MBNL2: variants seen among roughly 807,000 people sequenced by gnomAD.
MBNL2 encodes the protein muscleblind like splicing regulator 2, also known as muscleblind-like protein 2.
In MBNL2, 17 loss-of-function variants were observed where a neutral mutation model predicts 41.9. The ratio of observed to expected loss-of-function variants is 0.41; its 90% CI spans 0.28 to 0.61. MBNL2 has a LOEUF of 0.61. Ranked by LOEUF, MBNL2 falls within the 20% of genes least tolerant of loss-of-function variation. The pLI is 0.35. For missense variants in MBNL2, 336 were observed against 505.6 expected, an observed-to-expected ratio of 0.66 and a Z score of 3.22; for synonymous variants, 195 against 182.9, an observed-to-expected ratio of 1.07 and a Z score of -0.53.
At chr13:97,180,740 TAA>T in the MBNL2 span, among the ~76,000 whole-genome samples, 887 of 85,972 alleles carry the variant, frequency 0.01, 12 homozygotes, top group African/African-American at 0.032. Context: ...AGACTCCATC[TAA>T]AAAAAAAAAA....
chr13:97,259,769 G>T (rs752356957), intron 1 of MBNL2, among the ~76,000 whole-genome samples: 1 of 152,148 alleles, frequency 6.6e-6, no homozygotes, highest in Non-Finnish European at 1.5e-5. Context: ...GAGTCCTAGC[G>T]TGCTGAAATA....
intron 2 of MBNL2, among the ~76,000 whole-genome samples, chr13:97,327,560 T>TA (rs71922683): frequency 0.032 from 2,924 of 90,682 alleles, 111 homozygotes; most frequent in South Asian, 0.087. Flanking sequence ...ACGTTATTTG[T>TA]AAAAAAAAAA....
At chr13:97,301,356 C>G (rs1452923824) in intron 2 of MBNL2, among the ~76,000 whole-genome samples, 1 of 152,098 alleles carries the variant, frequency 6.6e-6, no homozygotes, top group African/African-American at 2.4e-5. Context: ...CTCAGGATCC[C>G]CAGACTGGGA....
At chr13:97,280,180 G>A (rs1217428507) in intron 2 of MBNL2, among the ~76,000 whole-genome samples, 3 of 152,238 alleles carry the variant, frequency 2.0e-5, no homozygotes, top group South Asian at 2.1e-4. Context: ...TCCATGAAAC[G>A]CTTTCCCTCA....
chr13:97,276,545 T>G (rs917037526), intron 2 of MBNL2, 136 bp downstream of exon 2: 2 of 831,612 alleles, frequency 2.4e-6, no homozygotes, highest in African/African-American at 3.4e-5. Flanking sequence ...TGTTGGGAGA[T>G]TTTTCACTCA....
chr13:97,248,428 C>G (rs1242349616), intron 1 of MBNL2, among the ~76,000 whole-genome samples: 1 of 152,260 alleles, frequency 6.6e-6, no homozygotes, highest in Admixed American at 6.5e-5. Context: ...AGCCACCGCA[C>G]CCGGGGCCCC....
At chr13:97,235,519 G>T (rs1390703568) in intron 1 of MBNL2, among the ~76,000 whole-genome samples, 1 of 152,222 alleles carries the variant, frequency 6.6e-6, no homozygotes, top group Non-Finnish European at 1.5e-5. Context: ...GAATTCTTGT[G>T]AGTCCCCTTA....
intron 8 of MBNL2, among the ~76,000 whole-genome samples, chr13:97,386,365 G>T (rs1566456189): frequency 6.6e-6 from 1 of 152,240 alleles, no homozygotes; most frequent in Non-Finnish European, 1.5e-5. Context: ...TCTGTGATGT[G>T]AATTCATTGC....
At chr13:97,371,306 TC>T (rs1359421294) in intron 8 of MBNL2, among the ~76,000 whole-genome samples, 2 of 152,156 alleles carry the variant, frequency 1.3e-5, no homozygotes, top group Non-Finnish European at 2.9e-5. Flanking sequence ...TCCGAATCTT[TC>T]CCTGAACATC....
the MBNL2 span, among the ~76,000 whole-genome samples, chr13:97,168,688 A>G: frequency 6.6e-6 from 1 of 152,208 alleles, no homozygotes; most frequent in Non-Finnish European, 1.5e-5. Flanking sequence ...CATAATGAAG[A>G]GATACCAATA....
At chr13:97,205,234 A>G in the MBNL2 span, among the ~76,000 whole-genome samples, 14 of 142,782 alleles carry the variant, frequency 9.8e-5, no homozygotes, top group South Asian at 3.0e-3. Context: ...AAAAATATAT[A>G]TATAAATTAG....
chr13:97,323,637 G>A (rs2059682188), intron 2 of MBNL2, among the ~76,000 whole-genome samples: 1 of 152,152 alleles, frequency 6.6e-6, no homozygotes, highest in African/African-American at 2.4e-5. Flanking sequence ...TCTGTGGGAG[G>A]TCCTGGAACC....
intron 2 of MBNL2, among the ~76,000 whole-genome samples, chr13:97,304,068 G>A (rs1310649954): frequency 1.3e-5 from 2 of 152,212 alleles, no homozygotes; most frequent in Non-Finnish European, 2.9e-5. Context: ...TGGGGAGGCA[G>A]AGTCCATCGT....
intron 1 of MBNL2, among the ~76,000 whole-genome samples, chr13:97,228,100 T>C (rs1003303328): frequency 6.6e-6 from 1 of 152,158 alleles, no homozygotes; most frequent in Admixed American, 6.5e-5. Context: ...TTCAAGGGCA[T>C]GTGTTAGAAA....
intron 6 of MBNL2, 148 bp from the exon 7 acceptor site, chr13:97,357,334 C>A: frequency 1.5e-6 from 1 of 659,132 alleles, no homozygotes; most frequent in Non-Finnish European, 2.6e-6. Context: ...ACTCATTCGA[C>A]ATTGCCGCTG....
chr13:97,355,858 C>T (rs1428543788), intron 5 of MBNL2, among the ~76,000 whole-genome samples: 2 of 152,130 alleles, frequency 1.3e-5, no homozygotes, highest in African/African-American at 4.8e-5. Flanking sequence ...GGGTTGCTCA[C>T]TGATTGTAGC....
chr13:97,292,200 C>CAAAAAA (rs34473435), intron 2 of MBNL2, among the ~76,000 whole-genome samples: 11 of 69,488 alleles, frequency 1.6e-4, no homozygotes, highest in African/African-American at 4.6e-4. Context: ...GACTCCATCT[C>CAAAAAA]AAAAAAAAAA....
intron 8 of MBNL2, among the ~76,000 whole-genome samples, chr13:97,365,565 G>C (rs1162201150): frequency 4.6e-5 from 7 of 152,136 alleles, no homozygotes; most frequent in Non-Finnish European, 1.0e-4. Context: ...CTGTGTGTTA[G>C]AGCGATCAGA....
the MBNL2 span, among the ~76,000 whole-genome samples, chr13:97,175,420 C>G: frequency 2.0e-5 from 3 of 152,114 alleles, no homozygotes; most frequent in Admixed American, 1.3e-4. Flanking sequence ...TCCAGGAAAA[C>G]GGGTGCAAAG....
Sources: gnomAD v4.1 joint callset for allele counts (sites outside exome capture counted in the v4.1 genomes callset) on GRCh38, gnomAD v4.1.1 for gene constraint, MANE v1.5 for transcripts, NCBI Gene and HGNC (gene_info 2026-07-23, HGNC 2026-07-21) for gene names.